Variants in ITPKB observed in about 807,000 individuals in gnomAD.
The protein encoded by ITPKB is inositol-trisphosphate 3-kinase B, also known as IP3 3-kinase B.
In ITPKB, 13 loss-of-function variants were observed where a neutral mutation model predicts 69.4. That is an observed-to-expected ratio of 0.19 (90% CI 0.12 to 0.30). The LOEUF (loss-of-function observed/expected upper bound fraction) is 0.30. Ranked by LOEUF, ITPKB falls within the 10% of genes least tolerant of loss-of-function variation. ITPKB has a pLI of 1.00. For missense variants in ITPKB, 1,240 were observed against 1,250.5 expected, an observed-to-expected ratio of 0.99 and a Z score of 0.13; for synonymous variants, 584 against 513.7, an observed-to-expected ratio of 1.14 and a Z score of -1.85.
At chr1:226,666,603 C>G (rs1257473398) in intron 2 of ITPKB, among the ~76,000 whole-genome samples, 1 of 152,148 alleles carries the variant, frequency 6.6e-6, no homozygotes, top group Admixed American at 6.5e-5. Context: ...ACAGGGCTGC[C>G]AAAACAGCCA....
chr1:226,735,585 C>T lies in ITPKB; in HGVS notation c.1874G>A (p.Arg625His), dbSNP rs764606849. ...GAAGGCTGAGTTGGGGTCCAGGGTG[C>T]GCTCAGGGTCACTGGAGATGTCCTC... ...SEEDISSDPE[R>H]TLDPNSAFLH... The change falls in exon 2 of 8, where the codon CGC becomes CAC. Residue 625 changes from arginine to histidine, a missense_variant. Physicochemically the swap from Arg to His is conservative, Grantham distance 29. Coordinates refer to ENST00000429204, the MANE Select transcript of ITPKB (RefSeq NM_002221.4). 34 of 1,582,610 alleles carry T rather than the reference C, an allele frequency of 2.1e-5. No individual in the cohort carries two copies. Among genetic ancestry groups the T allele is most frequent in the South Asian group, 1.4e-4 (12 of 86,336 alleles).
At chr1:226,653,080 G>A (rs1669227056) in intron 2 of ITPKB, among the ~76,000 whole-genome samples, 1 of 152,164 alleles carries the variant, frequency 6.6e-6, no homozygotes, top group African/African-American at 2.4e-5. Flanking sequence ...CCACTTATGG[G>A]GCTCTCGCTA....
At chr1:226,668,545 T>C (rs1669549608) in intron 2 of ITPKB, among the ~76,000 whole-genome samples, 1 of 152,254 alleles carries the variant, frequency 6.6e-6, no homozygotes, top group African/African-American at 2.4e-5. Context: ...CTATTTATGT[T>C]TCTGACTTTT....
intron 2 of ITPKB, among the ~76,000 whole-genome samples, chr1:226,673,083 A>G (rs58755194): frequency 0.038 from 5,750 of 152,336 alleles, 361 homozygotes; most frequent in African/African-American, 0.13. Context: ...CCATTTAAAC[A>G]GGGATGGGCC....
Position 226,641,874 on chromosome 1 carries a change from G to A in ITPKB, c.2451+47C>T. 9 of 1,537,040 alleles carry A rather than the reference G, an allele frequency of 5.9e-6. No individual in the cohort carries two copies. Among genetic ancestry groups the A allele is most frequent in the Non-Finnish European group, 8.0e-6 (9 of 1,118,958 alleles). On this transcript the variant is annotated intron_variant, in intron 5 of 7. Transcript: ENST00000429204. This position sits in a 1 kb window ranked among gnomAD's most constrained non-coding sequence, Gnocchi z 4.6. Reference sequence around the variant, plus strand: ...CGCTGAGAGAAGCCAAGCCCCCTGAGGTGGGCACGGGTGGGGCCCGAGGCT... The same window carrying A: ...CGCTGAGAGAAGCCAAGCCCCCTGAAGTGGGCACGGGTGGGGCCCGAGGCT...
At chr1:226,735,452 A>G in intron 2 of ITPKB, 75 bp downstream of exon 2, 2 of 1,413,480 alleles carry the variant, frequency 1.4e-6, no homozygotes, top group South Asian at 1.9e-5. Flanking sequence ...AAAGTTAAGA[A>G]AAAGGGATGC....
chr1:226,718,290 C>CAA (rs60739828), intron 2 of ITPKB, among the ~76,000 whole-genome samples: 33 of 96,550 alleles, frequency 3.4e-4, no homozygotes, highest in South Asian at 1.3e-3. Flanking sequence ...CAAGACTTCT[C>CAA]AAAAAAAAAA....
chr1:226,726,492 C>T (rs2102646994), intron 2 of ITPKB, among the ~76,000 whole-genome samples: 1 of 152,174 alleles, frequency 6.6e-6, no homozygotes, highest in South Asian at 2.1e-4. Flanking sequence ...GCCTGGGCAA[C>T]ATAGCAAGAG....
intron 2 of ITPKB, among the ~76,000 whole-genome samples, chr1:226,701,603 CAAAAAAAAAAAA>C (rs58756019): frequency 2.2e-5 from 1 of 44,868 alleles, no homozygotes; most frequent in Non-Finnish European, 4.4e-5. Flanking sequence ...GACTCCGTCT[CAAAAAAAAAAAA>C]AAAAAAAAAA....
intron 2 of ITPKB, among the ~76,000 whole-genome samples, chr1:226,710,106 C>T (rs755653457): frequency 1.6e-4 from 24 of 152,174 alleles, no homozygotes; most frequent in Non-Finnish European, 3.5e-4. Context: ...CCCTGACTCA[C>T]GGCCTCCTTC....
chr1:226,650,957 A>G (rs1669178768), intron 2 of ITPKB, among the ~76,000 whole-genome samples: 1 of 152,204 alleles, frequency 6.6e-6, no homozygotes, highest in Admixed American at 6.5e-5. Context: ...GAGGAAGACT[A>G]GAGAGGGCTA....
intron 2 of ITPKB, among the ~76,000 whole-genome samples, chr1:226,704,932 A>G (rs1656765667): frequency 6.6e-6 from 1 of 152,216 alleles, no homozygotes. Flanking sequence ...AAAAGCTTGT[A>G]CTTTTTAAAA....
rs1558302449 is a variant in ITPKB at position 226,649,229 on chromosome 1, GC to G, written c.1933-459del. On this transcript the variant is annotated intron_variant, in intron 2 of 7. Transcript: ENST00000429204. The stretch of plus-strand genomic sequence containing the variant: ...AGCTCTCTCCTCTGCACCGCGCTCC[GC>G]CCTCTCAGGATGTTTCTTCAGTGAA... 1.1e-4 allele frequency among the ~76,000 whole-genome samples: 16 copies of G among 152,284 alleles called. No individual in the cohort carries two copies. In the South Asian group the frequency reaches 3.3e-3, roughly 32 times the overall value.
chr1:226,669,965 C>T lies in ITPKB; in HGVS notation c.1933-21194G>A, dbSNP rs373397903. Among the ~76,000 whole-genome samples the T allele has an allele frequency of 2.6e-4, 40 of 151,434 alleles. No homozygotes were observed. In the East Asian group the frequency reaches 5.2e-3, roughly 20 times the overall value. On this transcript the variant is annotated intron_variant, in intron 2 of 7. Coordinates refer to ENST00000429204, the MANE Select transcript of ITPKB (RefSeq NM_002221.4). ...CCCAGCTCACTGCAACCTCCGCCTCCAGGGGTCAAGCAATTCTCCTGCCTC... is the reference window on the plus strand; with the variant it reads ...CCCAGCTCACTGCAACCTCCGCCTCTAGGGGTCAAGCAATTCTCCTGCCTC...
At chr1:226,706,898 C>G (rs1043231544) in intron 2 of ITPKB, among the ~76,000 whole-genome samples, 35 of 152,326 alleles carry the variant, frequency 2.3e-4, no homozygotes, top group Admixed American at 2.0e-3. Flanking sequence ...GGCCAGCAGC[C>G]AGCTGGCTAG....
intron 2 of ITPKB, among the ~76,000 whole-genome samples, chr1:226,703,344 G>A (rs1246912848): frequency 6.6e-6 from 1 of 152,244 alleles, no homozygotes. Context: ...GACGGCGCCG[G>A]AGTCCCTCCG....
chr1:226,728,274 A>G (rs536653564), intron 2 of ITPKB, among the ~76,000 whole-genome samples: 1 of 152,334 alleles, frequency 6.6e-6, no homozygotes, highest in Non-Finnish European at 1.5e-5. Flanking sequence ...GCCTGAAGAG[A>G]TACCTTTTGT....
chr1:226,714,399 T>C (rs1297885263), intron 2 of ITPKB, among the ~76,000 whole-genome samples: 1 of 152,224 alleles, frequency 6.6e-6, no homozygotes, highest in African/African-American at 2.4e-5. Context: ...GGCTGTTTGT[T>C]ACTGCAACAT....
intron 5 of ITPKB, among the ~76,000 whole-genome samples, chr1:226,639,907 A>G (rs1668921454): frequency 6.6e-6 from 1 of 152,212 alleles, no homozygotes; most frequent in Non-Finnish European, 1.5e-5. Context: ...GAACAGTGGT[A>G]GGAAAGGCCC....
Sources: allele counts gnomAD v4.1 joint callset (sites outside exome capture counted in the v4.1 genomes callset), GRCh38; gene constraint gnomAD v4.1.1; non-coding constraint Gnocchi (gnomAD v3.1); transcripts MANE v1.5; gene names NCBI Gene and HGNC (gene_info 2026-07-23, HGNC 2026-07-21).